LAMB1: variants seen among roughly 807,000 people sequenced by gnomAD.
LAMB1 encodes laminin subunit beta 1, also known as laminin subunit beta-1.
Under a neutral mutation model 222.3 loss-of-function variants are expected in LAMB1, and 121 were observed. The ratio of observed to expected loss-of-function variants is 0.54; its 90% CI spans 0.47 to 0.63. The LOEUF is 0.63. Among genes scored for constraint, LAMB1 ranks in the 30% least tolerant of loss-of-function variants. The pLI is 0.00. For missense variants in LAMB1, 2,172 were observed against 2,240.8 expected (o/e 0.97, Z 0.62); for synonymous variants, 794 against 807.2 (o/e 0.98, Z 0.28).
chr7:107,974,588 A>G (rs1330814560), intron 12 of LAMB1, among the ~76,000 whole-genome samples: 1 of 152,204 alleles, frequency 6.6e-6, no homozygotes, highest in East Asian at 1.9e-4. Context: ...AGGTGGGGTT[A>G]CTGGGTCAAA....
intron 30 of LAMB1, 89 bp from the exon 31 acceptor site, chr7:107,929,294 A>T: frequency 6.5e-7 from 1 of 1,543,086 alleles, no homozygotes; most frequent in Non-Finnish European, 8.9e-7. Context: ...AGCCTTCCTG[A>T]AATGACCCAG....
rs1439360679 is a variant in LAMB1 at position 107,960,553 on chromosome 7, T to C, written c.2206A>G (p.Arg736Gly). 2 of 1,614,048 alleles carry C rather than the reference T, an allele frequency of 1.2e-6. No individual in the cohort carries two copies. The highest frequency in any genetic ancestry group is 1.7e-6 in the Non-Finnish European group (2 of 1,179,976). Residue 736 changes from arginine (R) to glycine (G), a missense_variant, in exon 18 of 34, where the codon AGA becomes GGA. Coordinates refer to ENST00000222399, the MANE Select transcript of LAMB1 (RefSeq NM_002291.3). ...CTGCTGTTCTCTAGACATCGGTATCTCTGAAAGGTTTCCCAGGCACTGTTG... is the reference window on the plus strand; with the variant it reads ...CTGCTGTTCTCTAGACATCGGTATCCCTGAAAGGTTTCCCAGGCACTGTTG... ...VTNSAWETFQRYRCLENSRSV... is the reference protein window; with the variant it reads ...VTNSAWETFQGYRCLENSRSV...
rs780369106 is a variant in LAMB1 at position 107,975,046 on chromosome 7, G to C, written c.1422C>G (p.Ser474=). The change falls in exon 12 of 34, where the codon TCC becomes TCG. Residue 474 remains serine (S), a synonymous_variant. Coordinates refer to ENST00000222399, the MANE Select transcript of LAMB1 (RefSeq NM_002291.3). Reference sequence around the variant, plus strand: ...GCTTGCAGTAGCAGTGACCTGTCTCGGAATCACAAGGATTCCCTCCAGGAA... The same window carrying C: ...GCTTGCAGTAGCAGTGACCTGTCTCCGAATCACAAGGATTCCCTCCAGGAA... The part of the protein sequence containing the change: ...GTIPGGNPCD[S]ETGHCYCKRL... 80 of 1,613,196 alleles carry C rather than the reference G, an allele frequency of 5.0e-5. No homozygotes were observed. The highest frequency in any genetic ancestry group is 6.5e-5 in the Non-Finnish European group (77 of 1,179,446).
chr7:107,965,267 T>C (rs2033608619), intron 13 of LAMB1, among the ~76,000 whole-genome samples: 1 of 152,198 alleles, frequency 6.6e-6, no homozygotes, highest in Non-Finnish European at 1.5e-5. Context: ...CCCCTTTCCA[T>C]TGGCTATGCT....
chr7:107,975,173 A>G, intron 11 of LAMB1, 61 bp downstream of exon 11: 1 of 1,573,456 alleles, frequency 6.4e-7, no homozygotes, highest in Non-Finnish European at 8.7e-7. Flanking sequence ...TTGGAATTAC[A>G]AAGTAAAATG....
intron 23 of LAMB1, 48 bp from the exon 24 acceptor site, chr7:107,951,370 C>A (rs771818442): frequency 6.4e-7 from 1 of 1,550,960 alleles, no homozygotes; most frequent in South Asian, 1.1e-5. Context: ...AGGCCAGAAG[C>A]CAGTTGTCAT....
Position 107,952,278 on chromosome 7 carries a change from C to T in LAMB1, c.3080-55G>A, listed in dbSNP as rs1445354574. Reference sequence around the variant, plus strand: ...TCACACTCCCAAATACACAGGCATGCGGATGTTAGCCACATCTAAATGCTA... The same window carrying T: ...TCACACTCCCAAATACACAGGCATGTGGATGTTAGCCACATCTAAATGCTA... On this transcript the variant is annotated intron_variant, in intron 22 of 33. Coordinates refer to ENST00000222399, the MANE Select transcript of LAMB1 (RefSeq NM_002291.3). 1.7e-5 allele frequency: 22 copies of T among 1,314,656 alleles called. No individual in the cohort carries two copies. In the East Asian group the frequency reaches 2.2e-4, roughly 13 times the overall value. 81.4% of individuals were successfully genotyped at this position (1,314,656 alleles called of 1,614,324 possible). A position where few individuals can be genotyped will look rare whatever the true frequency, so the allele number is the denominator to read the frequency against.
At chr7:107,982,478 C>A (rs1421680949) in intron 7 of LAMB1, among the ~76,000 whole-genome samples, 1 of 152,174 alleles carries the variant, frequency 6.6e-6, no homozygotes, top group Non-Finnish European at 1.5e-5. Flanking sequence ...AACTTAGGTT[C>A]TTTGTAAAAT....
chr7:107,926,146 T>C (rs1486567515), intron 32 of LAMB1, 37 bp downstream of exon 32: 22 of 1,575,790 alleles, frequency 1.4e-5, no homozygotes, highest in Admixed American at 1.7e-5. Flanking sequence ...GTGGCTCCTT[T>C]AACAACATAG....
rs757479645 is a variant in LAMB1 at position 108,001,716 on chromosome 7, C to T, written c.55G>A (p.Val19Met). The T allele has an allele frequency of 3.7e-6, 6 of 1,612,800 alleles. No individual in the cohort carries two copies. In the African/African-American group the frequency reaches 5.3e-5, roughly 14 times the overall value. ...CTGAACTCGGGTTCCTGAGCGCGCA[C>T]TCGGGCTCTGCACAGGGCTGCGGGA... ...FSFLALCRAR[V>M]RAQEPEFSYG... The change falls in exon 3 of 34, where the codon GTG becomes ATG. Residue 19 changes from valine (V) to methionine (M), a missense_variant. Coordinates refer to ENST00000222399, the MANE Select transcript of LAMB1 (RefSeq NM_002291.3).
At chr7:107,959,640 A>G (rs1354819863) in intron 19 of LAMB1, 51 bp downstream of exon 19, 1 of 1,614,140 alleles carries the variant, frequency 6.2e-7, no homozygotes, top group Non-Finnish European at 8.5e-7. Context: ...CCCTGCCACA[A>G]TGGCTGAGTT....
intron 5 of LAMB1, among the ~76,000 whole-genome samples, chr7:107,987,773 A>G (rs1284849578): frequency 6.6e-6 from 1 of 152,192 alleles, no homozygotes; most frequent in Non-Finnish European, 1.5e-5. Context: ...AAGTGAGGGG[A>G]TTACAAGTGT....
intron 5 of LAMB1, among the ~76,000 whole-genome samples, chr7:107,986,567 G>A (rs1340888978): frequency 6.6e-6 from 1 of 152,104 alleles, no homozygotes; most frequent in Non-Finnish European, 1.5e-5. Context: ...CCTCTAAAAT[G>A]TATACTTTTC....
At chr7:107,982,352 C>T (rs2033988844) in intron 7 of LAMB1, among the ~76,000 whole-genome samples, 1 of 152,134 alleles carries the variant, frequency 6.6e-6, no homozygotes, top group Admixed American at 6.6e-5. Flanking sequence ...GGTAGTGGCC[C>T]AGTACATCAG....
At position 107,935,543 on chromosome 7, in the gene LAMB1, C is replaced by G; in HGVS notation, c.4060G>C (p.Asp1354His). The G allele has an allele frequency of 6.2e-7, 1 of 1,613,894 alleles. No homozygotes were observed. Among genetic ancestry groups the G allele is most frequent in the Non-Finnish European group, 8.5e-7 (1 of 1,180,004 alleles). Residue 1354 changes from aspartate (D) to histidine (H), a missense_variant, in exon 27 of 34, where the codon GAC becomes CAC. Transcript: ENST00000222399. ...STVEQSALMR[D>H]RVEDVMMERE... ...TCCATCATCACGTCTTCTACTCTGT[C>G]TCTCATGAGGGCTGACTGCTCCACA...
chr7:107,923,906 AGTT>A lies in LAMB1; in HGVS notation c.*42_*44del, dbSNP rs1376593063. The A allele has an allele frequency of 2.6e-6, 4 of 1,535,014 alleles. No homozygotes were observed. Among genetic ancestry groups the A allele is most frequent in the African/African-American group, 2.8e-5 (2 of 70,666 alleles). On this transcript the variant is annotated 3_prime_UTR_variant, in exon 34 of 34. Coordinates refer to ENST00000222399, the MANE Select transcript of LAMB1 (RefSeq NM_002291.3). ...AGCATTAAGTCAGTTTTTAAAATGTAGTTGTTTTACCTTGTTCACCTCAGCCAT... is the reference window on the plus strand; with the variant it reads ...AGCATTAAGTCAGTTTTTAAAATGTAGTTTTACCTTGTTCACCTCAGCCAT...
At chr7:107,992,186 C>T (rs565226256) in intron 5 of LAMB1, among the ~76,000 whole-genome samples, 73 of 152,314 alleles carry the variant, frequency 4.8e-4, no homozygotes, top group African/African-American at 1.7e-3. Flanking sequence ...CTCCCACTGA[C>T]ATCCCTGCTC....
At chr7:107,968,909 T>G (rs1443747553) in intron 13 of LAMB1, among the ~76,000 whole-genome samples, 1 of 152,024 alleles carries the variant, frequency 6.6e-6, no homozygotes, top group Non-Finnish European at 1.5e-5. Context: ...ACAACCAAAT[T>G]GTGGTAATTT....
At chr7:107,962,766 G>T in intron 15 of LAMB1, 139 bp downstream of exon 15, 1 of 510,566 alleles carries the variant, frequency 2.0e-6, no homozygotes, top group East Asian at 3.3e-5. Flanking sequence ...CTTCCATGGA[G>T]GAGGTGAGAC....
Sources: gnomAD v4.1 joint callset for allele counts (sites outside exome capture counted in the v4.1 genomes callset) on GRCh38, gnomAD v4.1.1 for gene constraint, MANE v1.5 for transcripts, NCBI Gene and HGNC (gene_info 2026-07-23, HGNC 2026-07-21) for gene names.